Variants in PRICKLE1 observed in about 807,000 individuals in gnomAD.
The protein encoded by PRICKLE1 is prickle-like protein 1.
PRICKLE1 carries 14 observed loss-of-function variants against 70.2 expected under a neutral mutation model. The observed-to-expected ratio is 0.20, with a 90% CI of 0.13 to 0.31. PRICKLE1 has a LOEUF of 0.31. PRICKLE1 is among the 10% of genes least tolerant of loss of function. PRICKLE1 has a pLI of 1.00. For synonymous variants in PRICKLE1, 357 were observed against 379.9 expected, an observed-to-expected ratio of 0.94 and a Z score of 0.70; for missense variants, 821 against 1,026.2, an observed-to-expected ratio of 0.80 and a Z score of 2.73.
At chr12:42,498,131 A>C (rs990992769) in intron 1 of PRICKLE1, among the ~76,000 whole-genome samples, 2 of 147,774 alleles carry the variant, frequency 1.4e-5, no homozygotes, top group Non-Finnish European at 3.0e-5. Flanking sequence ...TTATAGTGTG[A>C]GCCTCCATGC....
Position 42,506,256 on chromosome 12 carries a change from TTTC to T in PRICKLE1, c.-48-33695_-48-33693del, listed in dbSNP as rs1210760328. ...AGTAAAAAATGTTCTTTTTTCTTTC[TTTC>T]TTTTTTTTTTTTTTTGAGATGGAGT... On this transcript the variant is annotated intron_variant, in intron 1 of 7. Transcript: ENST00000345127. 5.7e-4 allele frequency among the ~76,000 whole-genome samples: 20 copies of T among 34,910 alleles called. No individual in the cohort carries two copies. In the South Asian group the frequency reaches 0.01, roughly 18 times the overall value. The allele number at this position is 34,910 out of a possible 152,430, so 22.9% of individuals were successfully genotyped here.
intron 1 of PRICKLE1, among the ~76,000 whole-genome samples, chr12:42,504,250 G>A (rs1939365745): frequency 6.6e-6 from 1 of 152,214 alleles, no homozygotes; most frequent in South Asian, 2.1e-4. Flanking sequence ...CTGGATGTGA[G>A]TCCTGGGCAT....
At chr12:42,510,657 T>TA (rs1331179989) in intron 1 of PRICKLE1, among the ~76,000 whole-genome samples, 1 of 152,210 alleles carries the variant, frequency 6.6e-6, no homozygotes, top group Non-Finnish European at 1.5e-5. Flanking sequence ...TTTTAATGAA[T>TA]AACTATCAAT....
rs1278272385 is a variant in PRICKLE1, at chr12:42,583,927, G to A, written c.-49+5538C>T. Among the ~76,000 whole-genome samples the A allele has an allele frequency of 2.6e-5, 4 of 151,978 alleles. No individual in the cohort carries two copies. In the East Asian group the frequency reaches 7.7e-4, roughly 29 times the overall value. The stretch of plus-strand genomic sequence containing the variant: ...ATTGTCCTGGAAACAGAACTCCCCA[G>A]TTCTATTACCTGTCCATTTACTCCA... On this transcript the variant is annotated intron_variant, in intron 1 of 7. Transcript: ENST00000345127.
At chr12:42,518,902 A>C (rs1225024951) in intron 1 of PRICKLE1, among the ~76,000 whole-genome samples, 1 of 152,218 alleles carries the variant, frequency 6.6e-6, no homozygotes, top group Non-Finnish European at 1.5e-5. Flanking sequence ...TAACATGGTT[A>C]TAATGCCACT....
intron 1 of PRICKLE1, among the ~76,000 whole-genome samples, chr12:42,534,459 G>A (rs1298389385): frequency 6.6e-6 from 1 of 152,180 alleles, no homozygotes; most frequent in African/African-American, 2.4e-5. Context: ...CAGTGTGTGA[G>A]CTGTGGCTAT....
At position 42,589,174 on chromosome 12, in the gene PRICKLE1, C is replaced by T. The variant is rs748098114; in HGVS notation, c.-49+291G>A. On this transcript the variant is annotated intron_variant, in intron 1 of 7. Transcript: ENST00000345127. This position sits in a 1 kb window ranked among gnomAD's most constrained non-coding sequence, Gnocchi z 5.0. ...CGGGCTACAGAACCTGTTTCCACGCCGGAGAAAACCAAGGGAAGAGTTGGT... is the reference window on the plus strand; with the variant it reads ...CGGGCTACAGAACCTGTTTCCACGCTGGAGAAAACCAAGGGAAGAGTTGGT... 4 of 152,258 alleles carry T rather than the reference C, an allele frequency of 2.6e-5. No individual in the cohort carries two copies. Among genetic ancestry groups the T allele is most frequent in the African/African-American group, 4.8e-5 (2 of 41,476 alleles). 9.4% of individuals were successfully genotyped at this position (152,258 alleles called of 1,614,324 possible). A position where few individuals can be genotyped will look rare whatever the true frequency, so the allele number is the denominator to read the frequency against.
intron 1 of PRICKLE1, among the ~76,000 whole-genome samples, chr12:42,488,873 A>G (rs1939036518): frequency 6.6e-6 from 1 of 151,842 alleles, no homozygotes; most frequent in South Asian, 2.1e-4. Context: ...AAAATAAGTG[A>G]ATTTTTATAT....
chr12:42,494,842 A>G (rs1198177500), intron 1 of PRICKLE1, among the ~76,000 whole-genome samples: 2 of 150,808 alleles, frequency 1.3e-5, no homozygotes, highest in Admixed American at 6.6e-5. Flanking sequence ...CTCGTCTGAT[A>G]AAATTCGATT....
rs370121139 is a variant in PRICKLE1 at position 42,555,128 on chromosome 12, C to T, written c.-49+34337G>A. On this transcript the variant is annotated intron_variant, in intron 1 of 7. Transcript: ENST00000345127. ...GACCAGACTGGGCAACATGGTGAAA[C>T]CCTGTCTCCACTAAAAATACAAAAA... 1.8e-4 allele frequency among the ~76,000 whole-genome samples: 28 copies of T among 152,164 alleles called. No individual in the cohort carries two copies. In the East Asian group the frequency reaches 4.6e-3, roughly 25 times the overall value.
At position 42,540,853 on chromosome 12, in the gene PRICKLE1, G is replaced by A. The variant is rs1484905106; in HGVS notation, c.-49+48612C>T. Among the ~76,000 whole-genome samples, 9 of 152,198 alleles carry A rather than the reference G, an allele frequency of 5.9e-5. No homozygotes were observed. The East Asian group carries it at 7.7e-4, about 13-fold the overall frequency. Reference sequence around the variant, plus strand: ...TGGGATTACAGTTGTGAGCCACTGCGCCCAGCCAAAATATTTTCTTCTACC... The same window carrying A: ...TGGGATTACAGTTGTGAGCCACTGCACCCAGCCAAAATATTTTCTTCTACC... On this transcript the variant is annotated intron_variant, in intron 1 of 7. Transcript: ENST00000345127.
chr12:42,534,775 G>A (rs1047691233), intron 1 of PRICKLE1, among the ~76,000 whole-genome samples: 1 of 151,728 alleles, frequency 6.6e-6, no homozygotes, highest in African/African-American at 2.4e-5. Context: ...TTTTTGAAAG[G>A]GGATACTAAA....
Position 42,469,461 on chromosome 12 carries a change from C to T in PRICKLE1, c.373G>A (p.Val125Met), listed in dbSNP as rs756916881. Residue 125 changes from valine (V) to methionine (M), a missense_variant, in exon 4 of 8, where the codon GTG becomes ATG. Physicochemically the swap from Val to Met is conservative, Grantham distance 21. Transcript: ENST00000345127. ...KLLSRAVMHA[V>M]CEQCGLKING... is the part of the protein sequence containing the mutation. ...AAGGGGCTGCTCACCTGCTCACACA[C>T]AGCATGCATGACTGCTCTGGACAGA... 28 of 1,614,060 alleles carry T rather than the reference C, an allele frequency of 1.7e-5. 1 individual carries two copies. Among genetic ancestry groups the T allele is most frequent in the Non-Finnish European group, 2.0e-5 (24 of 1,180,060 alleles).
chr12:42,527,934 T>C (rs1346590816), intron 1 of PRICKLE1, among the ~76,000 whole-genome samples: 3 of 16,664 alleles, frequency 1.8e-4, no homozygotes, highest in Non-Finnish European at 2.7e-4. Context: ...TATATATATA[T>C]ATATATATAT....
chr12:42,544,904 T>G (rs1447096097), intron 1 of PRICKLE1, among the ~76,000 whole-genome samples: 4 of 152,146 alleles, frequency 2.6e-5, no homozygotes, highest in African/African-American at 4.8e-5. Context: ...TGACCTCCTG[T>G]TATCACATAT....
At chr12:42,519,289 TG>T (rs1404504842) in intron 1 of PRICKLE1, among the ~76,000 whole-genome samples, 3 of 143,132 alleles carry the variant, frequency 2.1e-5, no homozygotes, top group African/African-American at 7.6e-5. Context: ...CTCTACCTCC[TG>T]GGTTCAAGTG....
Position 42,459,428 on chromosome 12 carries a change from T to TA in PRICKLE1, c.*380dup, listed in dbSNP as rs1308624577. On this transcript the variant is annotated 3_prime_UTR_variant, in exon 8 of 8. Transcript: ENST00000345127. ...TATCAAGACCTGAGCCGACCTGACTTACATAAATGACAAACACTAGTGCTT... is the reference window on the plus strand; with the variant it reads ...TATCAAGACCTGAGCCGACCTGACTTAACATAAATGACAAACACTAGTGCTT... The TA allele has an allele frequency of 5.0e-5, 35 of 695,030 alleles. No homozygotes were observed. The African/African-American group carries it at 5.3e-4, about 10-fold the overall frequency. The allele number at this position is 695,030 out of a possible 1,614,324, so 43.1% of individuals were successfully genotyped here.
At chr12:42,540,959 T>C (rs1940101323) in intron 1 of PRICKLE1, among the ~76,000 whole-genome samples, 2 of 152,234 alleles carry the variant, frequency 1.3e-5, no homozygotes, top group African/African-American at 2.4e-5. Context: ...ATACAACATA[T>C]CTATTTATGG....
chr12:42,556,445 T>G (rs1273123733), intron 1 of PRICKLE1, among the ~76,000 whole-genome samples: 1 of 152,198 alleles, frequency 6.6e-6, no homozygotes, highest in Non-Finnish European at 1.5e-5. Flanking sequence ...AATCCCACCC[T>G]GTAAGGGAGG....
Sources: gnomAD v4.1 joint callset for allele counts (sites outside exome capture counted in the v4.1 genomes callset) on GRCh38, gnomAD v4.1.1 for gene constraint, Gnocchi (gnomAD v3.1) non-coding constraint, MANE v1.5 for transcripts, NCBI Gene and HGNC (gene_info 2026-07-23, HGNC 2026-07-21) for gene names.